The following LPO variants were observed in gnomAD, a reference collection of about 807,000 sequenced individuals.
LPO encodes salivary peroxidase.
A neutral mutation model predicts 68.4 loss-of-function variants in LPO; 70 were observed. That is an observed-to-expected ratio of 1.02 (90% CI 0.84 to 1.25). The LOEUF is 1.25. Ranked by LOEUF, LPO falls within the 50% of genes most tolerant of loss-of-function variation. The pLI is 0.00. For missense variants in LPO, 873 were observed against 908.4 expected, an observed-to-expected ratio of 0.96 and a Z score of 0.50; for synonymous variants, 360 against 357.6, an observed-to-expected ratio of 1.01 and a Z score of -0.08.
chr17:58,252,386 C>T lies in LPO; in HGVS notation c.985C>T (p.Leu329Phe). ...CCGCAACCTCAGCAGCCCCCTGGGCCTCATGGCTGTCAACCAGGAGGTCTC... is the reference window on the plus strand; with the variant it reads ...CCGCAACCTCAGCAGCCCCCTGGGCTTCATGGCTGTCAACCAGGAGGTCTC... ...RLRNLSSPLG[L>F]MAVNQEVSDH... The change falls in exon 8 of 13, where the codon CTC becomes TTC. Residue 329 changes from leucine (L) to phenylalanine (F), a missense_variant. By Grantham distance (22) the Leu-to-Phe change is conservative. Coordinates refer to ENST00000262290, the MANE Select transcript of LPO (RefSeq NM_006151.3). 6.2e-7 allele frequency: 1 copy of T among 1,614,218 alleles called. No individual in the cohort carries two copies. The highest frequency in any genetic ancestry group is 8.5e-7 in the Non-Finnish European group (1 of 1,180,048).
chr17:58,251,531 T>G (rs2143909209), intron 7 of LPO: 1 of 221,834 alleles, frequency 4.5e-6, no homozygotes, highest in South Asian at 6.9e-5. Context: ...CTTGCAGCAA[T>G]GCATCTTTTC....
chr17:58,251,763 G>C (rs1969962497), intron 7 of LPO: 1 of 472,244 alleles, frequency 2.1e-6, no homozygotes, highest in African/African-American at 2.0e-5. Context: ...CACCTTACAG[G>C]GTTTTTTTGA....
In LPO at chr17:58,268,072, G is replaced by A. The variant is rs868373789; in HGVS notation, c.*78G>A. ...AAGTTCAATGACCTGGTCCCTTAGAGCTCCATATCCCAGTCCCAGCCCTTC... is the reference window on the plus strand; with the variant it reads ...AAGTTCAATGACCTGGTCCCTTAGAACTCCATATCCCAGTCCCAGCCCTTC... On this transcript the variant is annotated 3_prime_UTR_variant, in exon 13 of 13. Coordinates refer to ENST00000262290, the MANE Select transcript of LPO (RefSeq NM_006151.3). 4 of 1,427,782 alleles carry A rather than the reference G, an allele frequency of 2.8e-6. No homozygotes were observed. Among genetic ancestry groups the A allele is most frequent in the Non-Finnish European group, 2.9e-6 (3 of 1,025,722 alleles). 88.4% of individuals were successfully genotyped at this position (1,427,782 alleles called of 1,614,324 possible). A position where few individuals can be genotyped will look rare whatever the true frequency, so the allele number is the denominator to read the frequency against.
chr17:58,257,480 T>C (rs55916516), intron 9 of LPO, among the ~76,000 whole-genome samples: 3,504 of 152,366 alleles, frequency 0.023, 138 homozygotes, highest in African/African-American at 0.08. Flanking sequence ...ATTTCATTCT[T>C]TTTTATGGCT....
intron 1 of LPO, among the ~76,000 whole-genome samples, chr17:58,239,090 G>A (rs1009867288): frequency 5.3e-5 from 8 of 151,960 alleles, no homozygotes; most frequent in Non-Finnish European, 1.2e-4. Context: ...GAATTTGGGG[G>A]AAAACAGTGA....
At position 58,254,704 on chromosome 17, in the gene LPO, G is replaced by A. The variant is rs781354019; in HGVS notation, c.1106-107G>A. 2.9e-5 allele frequency: 30 copies of A among 1,034,804 alleles called. 1 individual carries two copies. The highest frequency in any genetic ancestry group is 8.0e-5 in the East Asian group (3 of 37,722). The allele number at this position is 1,034,804 out of a possible 1,614,324, so 64.1% of individuals were successfully genotyped here. On this transcript the variant is annotated intron_variant, in intron 8 of 12. Transcript: ENST00000262290. The stretch of plus-strand genomic sequence containing the variant: ...GGGAAGTAGGGCTTGTTGACGGGGC[G>A]GGGGGGGCGGGGCGCGGTCCTGTGG...
chr17:58,252,683 G>A (rs1011223780), intron 8 of LPO, among the ~76,000 whole-genome samples, 177 bp downstream of exon 8: 3 of 152,152 alleles, frequency 2.0e-5, no homozygotes, highest in Admixed American at 6.5e-5. Flanking sequence ...CAGAACATAT[G>A]TTCACTGTAA....
chr17:58,249,528 G>T (rs777780151), intron 5 of LPO, 38 bp from the exon 6 acceptor site: 2 of 1,592,802 alleles, frequency 1.3e-6, no homozygotes, highest in Non-Finnish European at 1.7e-6. Flanking sequence ...CCCCGGAGCC[G>T]GCCTGCCGAA....
chr17:58,250,773 G>C, intron 7 of LPO, 152 bp downstream of exon 7: 1 of 740,052 alleles, frequency 1.4e-6, no homozygotes, highest in Non-Finnish European at 2.2e-6. Flanking sequence ...TCACTCATCC[G>C]TTTATTCAGT....
chr17:58,241,133 T>C (rs892233925), intron 1 of LPO, among the ~76,000 whole-genome samples: 3,244 of 127,484 alleles, frequency 0.025, 81 homozygotes, highest in African/African-American at 0.093. Flanking sequence ...TTCTTTTTTT[T>C]TTTTTTTTTT....
At chr17:58,263,090 C>T (rs8178393) in intron 9 of LPO, among the ~76,000 whole-genome samples, 381 of 152,114 alleles carry the variant, frequency 2.5e-3, no homozygotes, top group African/African-American at 7.5e-3. Context: ...CCAATTCTAT[C>T]CTCTGTCACT....
At chr17:58,251,351 C>G (rs1969956277) in intron 7 of LPO, 1 of 154,130 alleles carries the variant, frequency 6.5e-6, no homozygotes, top group South Asian at 2.0e-4. Context: ...GAAATAGATT[C>G]TACATTTTTA....
intron 3 of LPO, chr17:58,244,396 C>T: frequency 5.6e-6 from 2 of 359,596 alleles, no homozygotes; most frequent in Non-Finnish European, 1.0e-5. Context: ...GAAAGCCTCT[C>T]AGTAAAAGTT....
chr17:58,265,741 C>T (rs1210264115), intron 10 of LPO, among the ~76,000 whole-genome samples: 1 of 151,760 alleles, frequency 6.6e-6, no homozygotes. Flanking sequence ...CACCCCCATA[C>T]CTGGCTAATT....
chr17:58,242,027 G>A (rs554090419), intron 1 of LPO, among the ~76,000 whole-genome samples: 10 of 152,236 alleles, frequency 6.6e-5, no homozygotes, highest in Admixed American at 2.6e-4. Context: ...ACCAGTGAAC[G>A]CCGTGCTGCA....
chr17:58,240,491 T>A (rs1253258049), intron 1 of LPO, among the ~76,000 whole-genome samples: 1 of 152,230 alleles, frequency 6.6e-6, no homozygotes, highest in African/African-American at 2.4e-5. Context: ...AGTGTCCCTC[T>A]AGAATCTTTC....
At chr17:58,241,079 A>T (rs1206366414) in intron 1 of LPO, among the ~76,000 whole-genome samples, 2 of 138,688 alleles carry the variant, frequency 1.4e-5, no homozygotes, top group Non-Finnish European at 3.2e-5. Context: ...GCTAAATTTT[A>T]TGCTATGTGG....
rs778022165 is a variant in LPO, at chr17:58,246,943, C to T, written c.165-535C>T. 2.6e-4 allele frequency among the ~76,000 whole-genome samples: 39 copies of T among 152,314 alleles called. No individual in the cohort carries two copies. In the Middle Eastern group the frequency reaches 0.017, roughly 66 times the overall value. ...CAATAAGGAAACTGAGTACAAAGAG[C>T]TTAAGTAATTTGCCTCAAGGGCACA... On this transcript the variant is annotated intron_variant, in intron 3 of 12. Coordinates refer to ENST00000262290, the MANE Select transcript of LPO (RefSeq NM_006151.3).
intron 9 of LPO, among the ~76,000 whole-genome samples, chr17:58,264,220 A>T (rs988399426): frequency 1.3e-5 from 2 of 152,180 alleles, no homozygotes; most frequent in African/African-American, 4.8e-5. Flanking sequence ...TTTTCTGAAA[A>T]TTTTTTATTT....
Sources: allele counts gnomAD v4.1 joint callset (sites outside exome capture counted in the v4.1 genomes callset), GRCh38; gene constraint gnomAD v4.1.1; transcripts MANE v1.5; gene names NCBI Gene and HGNC (gene_info 2026-07-23, HGNC 2026-07-21).